PTPRE: variants seen among roughly 807,000 people sequenced by gnomAD.
PTPRE encodes the protein protein tyrosine phosphatase receptor type E.
Under a neutral mutation model 102.0 loss-of-function variants are expected in PTPRE, and 51 were observed. The ratio of observed to expected loss-of-function variants is 0.50; its 90% CI spans 0.40 to 0.63. PTPRE has a LOEUF of 0.63. Ranked by LOEUF, PTPRE falls within the 30% of genes least tolerant of loss-of-function variation. The pLI, the probability that PTPRE is intolerant of heterozygous loss-of-function variation, is 0.00. For synonymous variants in PTPRE, 345 were observed against 348.2 expected (o/e 0.99, Z 0.10); for missense variants, 752 against 915.1 (o/e 0.82, Z 2.30).
rs1318538385 is a variant in PTPRE, at chr10:127,986,567, G to A, written c.-8+4271G>A. 5.3e-5 allele frequency among the ~76,000 whole-genome samples: 8 copies of A among 152,206 alleles called. No individual in the cohort carries two copies. The East Asian group carries it at 1.3e-3, about 26-fold the overall frequency. ...CAACTGTGAGTTTCAATTTTAAAATGTACTTAGGCTTCCCTTCACTCGCTT... is the reference window on the plus strand; with the variant it reads ...CAACTGTGAGTTTCAATTTTAAAATATACTTAGGCTTCCCTTCACTCGCTT... On this transcript the variant is annotated intron_variant, in intron 2 of 20. Coordinates refer to ENST00000254667, the MANE Select transcript of PTPRE (RefSeq NM_006504.6).
At chr10:128,076,848 C>G in intron 18 of PTPRE, 120 bp downstream of exon 18, 1 of 1,400,894 alleles carries the variant, frequency 7.1e-7, no homozygotes, top group Non-Finnish European at 9.7e-7. Flanking sequence ...TTCACCTAGT[C>G]CCATTGGCTA....
At chr10:127,998,788 C>T (rs1853556681) in intron 2 of PTPRE, 1 of 151,854 alleles carries the variant, frequency 6.6e-6, no homozygotes, top group Non-Finnish European at 1.5e-5. Flanking sequence ...TTTATGAAGT[C>T]GCCGTATTCC....
At chr10:128,050,439 T>C (rs1848482441) in intron 6 of PTPRE, among the ~76,000 whole-genome samples, 1 of 139,254 alleles carries the variant, frequency 7.2e-6, no homozygotes, top group Non-Finnish European at 1.6e-5. Context: ...GATGGGTGGA[T>C]GGATGATGGA....
intron 1 of PTPRE, among the ~76,000 whole-genome samples, chr10:127,972,435 G>A (rs1384633279): frequency 2.0e-5 from 3 of 152,214 alleles, no homozygotes; most frequent in Non-Finnish European, 2.9e-5. Flanking sequence ...TGTATGTACA[G>A]TGTCTAGCAC....
chr10:127,939,103 C>T (rs1277796886), intron 1 of PTPRE, among the ~76,000 whole-genome samples: 2 of 152,204 alleles, frequency 1.3e-5, no homozygotes, highest in Non-Finnish European at 2.9e-5. Context: ...TGAACTAACC[C>T]TCATCATTCA....
At position 127,981,055 on chromosome 10, in the gene PTPRE, T is replaced by C. The variant is rs547581055; in HGVS notation, c.-30-1219T>C. Among the ~76,000 whole-genome samples, 262 of 152,274 alleles carry C rather than the reference T, an allele frequency of 1.7e-3. 1 individual carries two copies. Among genetic ancestry groups the C allele is most frequent in the Non-Finnish European group, 3.1e-3 (208 of 68,012 alleles). ...ACCACTCAGAACAAAACAAGCGAGC[T>C]AAATTCATCCACTGAAGAATGGGTC... On this transcript the variant is annotated intron_variant, in intron 1 of 20. Transcript: ENST00000254667.
intron 1 of PTPRE, among the ~76,000 whole-genome samples, chr10:127,951,594 C>T (rs953935213): frequency 6.6e-6 from 1 of 152,172 alleles, no homozygotes. Flanking sequence ...GCGGTCATTC[C>T]CCCAGTTCCA....
Position 128,070,232 on chromosome 10 carries a change from G to A in PTPRE, c.1144-69G>A. 1 of 1,511,430 alleles carries A rather than the reference G, an allele frequency of 6.6e-7. No homozygotes were observed. Among genetic ancestry groups the A allele is most frequent in the Non-Finnish European group, 8.9e-7 (1 of 1,125,620 alleles). The allele number at this position is 1,511,430 out of a possible 1,614,324, so 93.6% of individuals were successfully genotyped here. A position where few individuals can be genotyped will look rare whatever the true frequency, so the allele number is the denominator to read the frequency against. On this transcript the variant is annotated intron_variant, in intron 13 of 20. Transcript: ENST00000254667. The surrounding 1 kb of genome is among the most constrained non-coding windows in gnomAD (Gnocchi z 4.8). ...AGAAGAAAGCCGCCCTCTTTGGTCT[G>A]CCAAGCTCCACGTGGGCCAAGACTG...
intron 11 of PTPRE, among the ~76,000 whole-genome samples, chr10:128,067,410 AT>A (rs1850337756): frequency 6.6e-6 from 1 of 151,454 alleles, no homozygotes; most frequent in African/African-American, 2.4e-5. Context: ...ATACACGCAC[AT>A]GGGTGCACAC....
At chr10:128,049,435 T>G in intron 5 of PTPRE, 95 bp from the exon 6 acceptor site, 1 of 1,462,302 alleles carries the variant, frequency 6.8e-7, no homozygotes, top group Non-Finnish European at 9.4e-7. Flanking sequence ...TCCAGCCTGG[T>G]CATTTCTTCA....
chr10:127,994,639 G>A (rs556175417), intron 2 of PTPRE, among the ~76,000 whole-genome samples: 1 of 152,336 alleles, frequency 6.6e-6, no homozygotes, highest in African/African-American at 2.4e-5. Context: ...AAGTGGCTCA[G>A]TCAATTTTCA....
At chr10:127,946,045 C>T (rs554549564) in intron 1 of PTPRE, among the ~76,000 whole-genome samples, 1 of 152,058 alleles carries the variant, frequency 6.6e-6, no homozygotes, top group East Asian at 1.9e-4. Flanking sequence ...GAAGATGGGC[C>T]AGGAGTAGAT....
intron 2 of PTPRE, chr10:127,987,200 C>T (rs1181491313): frequency 5.8e-6 from 3 of 519,190 alleles, no homozygotes; most frequent in South Asian, 4.0e-5. Context: ...AAGGCATGGG[C>T]GTTAATCAGT....
intron 2 of PTPRE, among the ~76,000 whole-genome samples, chr10:128,029,970 C>T (rs988245999): frequency 6.6e-6 from 1 of 152,214 alleles, no homozygotes; most frequent in African/African-American, 2.4e-5. Context: ...TCCATCCCCC[C>T]ACCAATCATC....
chr10:128,070,497 G>A lies in PTPRE; in HGVS notation c.1293+47G>A. 6.3e-7 allele frequency: 1 copy of A among 1,587,256 alleles called. No homozygotes were observed. The highest frequency in any genetic ancestry group is 8.6e-7 in the Non-Finnish European group (1 of 1,167,552). On this transcript the variant is annotated intron_variant, in intron 14 of 20. Transcript: ENST00000254667. This position sits in a 1 kb window ranked among gnomAD's most constrained non-coding sequence, Gnocchi z 4.8. ...CTCCATCCTGGTGTAAGCAGCCAAG[G>A]GCACGAGGAAAACAGGTGACCATTT...
intron 2 of PTPRE, among the ~76,000 whole-genome samples, chr10:128,034,564 G>A (rs1326353556): frequency 6.6e-6 from 1 of 152,240 alleles, no homozygotes; most frequent in East Asian, 1.9e-4. Context: ...AGTCATGGTG[G>A]TGCATCCCTG....
chr10:128,080,053 C>T (rs1233631397), intron 20 of PTPRE, among the ~76,000 whole-genome samples: 3 of 151,804 alleles, frequency 2.0e-5, no homozygotes. Context: ...AAAAGCAGCA[C>T]TGAAATTTAA....
At chr10:127,938,815 C>T (rs1848014526) in intron 1 of PTPRE, among the ~76,000 whole-genome samples, 1 of 152,076 alleles carries the variant, frequency 6.6e-6, no homozygotes, top group Non-Finnish European at 1.5e-5. Flanking sequence ...TAGAGATTGC[C>T]AGCAGGCAAT....
intron 2 of PTPRE, among the ~76,000 whole-genome samples, chr10:128,030,778 G>A (rs976698916): frequency 3.3e-5 from 5 of 152,194 alleles, no homozygotes; most frequent in Non-Finnish European, 5.9e-5. Context: ...TTCAGGTTCT[G>A]TGGGTTCCCA....
Sources: gnomAD v4.1 joint callset for allele counts (sites outside exome capture counted in the v4.1 genomes callset) on GRCh38, gnomAD v4.1.1 for gene constraint, Gnocchi (gnomAD v3.1) non-coding constraint, MANE v1.5 for transcripts, NCBI Gene and HGNC (gene_info 2026-07-23, HGNC 2026-07-21) for gene names.